Variants in NFIC observed in about 807,000 individuals in gnomAD.
NFIC encodes the protein nuclear factor 1 C-type.
In NFIC, 12 loss-of-function variants were observed where a neutral mutation model predicts 54.4. That is an observed-to-expected ratio of 0.22 (90% CI 0.14 to 0.36). The LOEUF (loss-of-function observed/expected upper bound fraction) is 0.36, where lower values mean the gene tolerates loss of function less well. Ranked by LOEUF, NFIC falls within the 10% of genes least tolerant of loss-of-function variation. NFIC has a pLI of 1.00. For missense variants in NFIC, 575 were observed against 718.2 expected, an observed-to-expected ratio of 0.80 and a Z score of 2.28; for synonymous variants, 322 against 319.2, an observed-to-expected ratio of 1.01 and a Z score of -0.09.
chr19:3,454,588 T>G (rs555457724), intron 9 of NFIC, among the ~76,000 whole-genome samples: 43 of 151,950 alleles, frequency 2.8e-4, no homozygotes, highest in African/African-American at 9.7e-4. Context: ...GTCCACCCCA[T>G]TCGTCCGCAG....
In NFIC at chr19:3,464,669, CAG is replaced by C. The variant is rs2082692941; in HGVS notation, c.*1902_*1903del. ...GCCTCACCCCCCTGCCCCCGAAAAC[CAG>C]ACTCTCCTCCCAAACTAGCCTCAGG... On this transcript the variant is annotated 3_prime_UTR_variant, in exon 11 of 11. Coordinates refer to ENST00000443272, the MANE Select transcript of NFIC (RefSeq NM_001245002.2). The C allele has an allele frequency of 2.0e-6, 2 of 985,268 alleles. No individual in the cohort carries two copies. The highest frequency in any genetic ancestry group is 2.4e-6 in the Non-Finnish European group (2 of 830,122). The allele number at this position is 985,268 out of a possible 1,614,324, so 61.0% of individuals were successfully genotyped here.
intron 7 of NFIC, among the ~76,000 whole-genome samples, chr19:3,450,055 CA>C (rs892847936): frequency 3.3e-5 from 5 of 149,726 alleles, no homozygotes; most frequent in Non-Finnish European, 3.0e-5. Flanking sequence ...ACCCTGTCTC[CA>C]AAAAAAGGCT....
intron 1 of NFIC, among the ~76,000 whole-genome samples, chr19:3,360,486 G>C (rs1230956312): frequency 6.6e-6 from 1 of 151,878 alleles, no homozygotes; most frequent in African/African-American, 2.4e-5. Flanking sequence ...TGCGCACCTC[G>C]AGGGGTGCGT....
intron 2 of NFIC, among the ~76,000 whole-genome samples, chr19:3,385,309 A>T (rs960382563): frequency 2.0e-5 from 3 of 147,268 alleles, no homozygotes; most frequent in African/African-American, 7.5e-5. Flanking sequence ...TGGCTGGGTG[A>T]TGTGGGGCCA....
Position 3,463,895 on chromosome 19 carries a change from G to A in NFIC, c.*1126G>A. 1 of 964,568 alleles carries A rather than the reference G, an allele frequency of 1.0e-6. No individual in the cohort carries two copies. Among genetic ancestry groups the A allele is most frequent in the Non-Finnish European group, 1.2e-6 (1 of 815,322 alleles). 59.8% of individuals were successfully genotyped at this position (964,568 alleles called of 1,614,324 possible). Reference sequence around the variant, plus strand: ...TCCAGCTGGGACACGGAATGGCCGCGGGCCTCCTCCCCCTCCCCTCCAGCC... The same window carrying A: ...TCCAGCTGGGACACGGAATGGCCGCAGGCCTCCTCCCCCTCCCCTCCAGCC... On this transcript the variant is annotated 3_prime_UTR_variant, in exon 11 of 11. Coordinates refer to ENST00000443272, the MANE Select transcript of NFIC (RefSeq NM_001245002.2).
Position 3,464,442 on chromosome 19 carries a change from A to G in NFIC, c.*1673A>G. 2 of 895,190 alleles carry G rather than the reference A, an allele frequency of 2.2e-6. No homozygotes were observed. The highest frequency in any genetic ancestry group is 2.5e-6 in the Non-Finnish European group (2 of 793,684). 55.5% of individuals were successfully genotyped at this position (895,190 alleles called of 1,614,324 possible). The stretch of plus-strand genomic sequence containing the variant: ...CTATCCACACCTCCACCCCCACCCC[A>G]GGATCGCCATCTTTAGGGGAGGCCT... On this transcript the variant is annotated 3_prime_UTR_variant, in exon 11 of 11. Coordinates refer to ENST00000443272, the MANE Select transcript of NFIC (RefSeq NM_001245002.2).
intron 2 of NFIC, among the ~76,000 whole-genome samples, chr19:3,405,407 G>T (rs2081632439): frequency 6.6e-6 from 1 of 152,116 alleles, no homozygotes; most frequent in African/African-American, 2.4e-5. Flanking sequence ...GCTGGGCAGG[G>T]GTTTTAGGTC....
intron 9 of NFIC, among the ~76,000 whole-genome samples, chr19:3,455,854 C>G (rs1404000538): frequency 6.6e-6 from 1 of 152,142 alleles, no homozygotes; most frequent in Non-Finnish European, 1.5e-5. Context: ...ATTCCACCCC[C>G]CTTTCCCTGC....
chr19:3,369,894 T>A lies in NFIC; in HGVS notation c.30+3228T>A, dbSNP rs2080968893. Among the ~76,000 whole-genome samples, 1 of 152,178 alleles carries A rather than the reference T, an allele frequency of 6.6e-6. No homozygotes were observed. Among genetic ancestry groups the A allele is most frequent in the South Asian group, 2.1e-4 (1 of 4,824 alleles). On this transcript the variant is annotated intron_variant, in intron 1 of 10. Coordinates refer to ENST00000443272, the MANE Select transcript of NFIC (RefSeq NM_001245002.2). The surrounding 1 kb of genome is among the most constrained non-coding windows in gnomAD (Gnocchi z 4.3). ...CTCATTCGTTCGTTGTTTCCTTCAT[T>A]CGTTCGTCCCATGCCCTCTCGGAGC...
intron 2 of NFIC, among the ~76,000 whole-genome samples, chr19:3,414,106 A>G (rs1310593921): frequency 6.6e-6 from 1 of 152,096 alleles, no homozygotes; most frequent in East Asian, 1.9e-4. Context: ...AACTAATGGC[A>G]ACATAGTGCA....
At position 3,463,444 on chromosome 19, in the gene NFIC, G is replaced by T; in HGVS notation, c.*675G>T. 3 of 985,548 alleles carry T rather than the reference G, an allele frequency of 3.0e-6. No homozygotes were observed. The highest frequency in any genetic ancestry group is 3.6e-6 in the Non-Finnish European group (3 of 830,064). 61.1% of individuals were successfully genotyped at this position (985,548 alleles called of 1,614,324 possible). ...GGGTGCGTGGCGCTTGCGAGCCCTG[G>T]CCAGGGGAGGAAGTGAGGCCCAGGC... On this transcript the variant is annotated 3_prime_UTR_variant, in exon 11 of 11. Coordinates refer to ENST00000443272, the MANE Select transcript of NFIC (RefSeq NM_001245002.2).
intron 2 of NFIC, among the ~76,000 whole-genome samples, chr19:3,392,473 C>T (rs896363351): frequency 4.6e-5 from 7 of 152,242 alleles, no homozygotes; most frequent in East Asian, 1.9e-4. Flanking sequence ...ACCCCGCAGA[C>T]GCCCCTACCC....
At position 3,452,737 on chromosome 19, in the gene NFIC, C is replaced by A; in HGVS notation, c.1269+71C>A. 1 of 1,500,414 alleles carries A rather than the reference C, an allele frequency of 6.7e-7. No homozygotes were observed. Among genetic ancestry groups the A allele is most frequent in the South Asian group, 1.3e-5 (1 of 77,960 alleles). The allele number at this position is 1,500,414 out of a possible 1,614,324, so 92.9% of individuals were successfully genotyped here. A position where few individuals can be genotyped will look rare whatever the true frequency, so the allele number is the denominator to read the frequency against. Reference sequence around the variant, plus strand: ...TGACCTCCCGGGGGCCACGTGCTCACACGAAGGCACAACCTCTGCTTAAAA... The same window carrying A: ...TGACCTCCCGGGGGCCACGTGCTCAAACGAAGGCACAACCTCTGCTTAAAA... On this transcript the variant is annotated intron_variant, in intron 8 of 10. Coordinates refer to ENST00000443272, the MANE Select transcript of NFIC (RefSeq NM_001245002.2). This position sits in a 1 kb window ranked among gnomAD's most constrained non-coding sequence, Gnocchi z 5.3.
At chr19:3,449,257 T>G in intron 7 of NFIC, 118 bp downstream of exon 7, 2 of 1,422,626 alleles carry the variant, frequency 1.4e-6, no homozygotes, top group East Asian at 2.6e-5. Flanking sequence ...GCCTTCTAGG[T>G]GGGCAAAAAA....
At chr19:3,433,616 G>A (rs1482798700) in intron 4 of NFIC, 24 bp downstream of exon 4, 7 of 1,612,140 alleles carry the variant, frequency 4.3e-6, no homozygotes, top group Non-Finnish European at 5.9e-6. Flanking sequence ...TCAGCCCTGA[G>A]CTGGGTCTTG....
rs1422072671 is a variant in NFIC at position 3,369,837 on chromosome 19, G to A, written c.30+3171G>A. ...TTGGCCGCAGCGTGGCGGATTCCCCGAGCCACCTCCATCCCGCCACCGGGT... is the reference window on the plus strand; with the variant it reads ...TTGGCCGCAGCGTGGCGGATTCCCCAAGCCACCTCCATCCCGCCACCGGGT... On this transcript the variant is annotated intron_variant, in intron 1 of 10. Coordinates refer to ENST00000443272, the MANE Select transcript of NFIC (RefSeq NM_001245002.2). The surrounding 1 kb of genome is among the most constrained non-coding windows in gnomAD (Gnocchi z 4.3). 1.3e-5 allele frequency among the ~76,000 whole-genome samples: 2 copies of A among 152,126 alleles called. No individual in the cohort carries two copies. Among genetic ancestry groups the A allele is most frequent in the East Asian group, 1.9e-4 (1 of 5,186 alleles).
intron 3 of NFIC, among the ~76,000 whole-genome samples, chr19:3,430,149 T>A (rs1290725315): frequency 6.6e-6 from 1 of 152,140 alleles, no homozygotes; most frequent in Non-Finnish European, 1.5e-5. Flanking sequence ...TGTAGTAAAA[T>A]GTGCATGATG....
intron 2 of NFIC, among the ~76,000 whole-genome samples, chr19:3,420,344 C>A (rs1359710053): frequency 2.0e-5 from 3 of 151,956 alleles, no homozygotes; most frequent in African/African-American, 7.3e-5. Context: ...AGAAAGAGAT[C>A]AGCCTGGCTA....
At chr19:3,416,969 C>T (rs545293857) in intron 2 of NFIC, among the ~76,000 whole-genome samples, 188 of 151,762 alleles carry the variant, frequency 1.2e-3, no homozygotes, top group African/African-American at 4.1e-3. Flanking sequence ...CTGCAAGCTC[C>T]GCCTGCCGGG....
Sources: allele counts gnomAD v4.1 joint callset (sites outside exome capture counted in the v4.1 genomes callset), GRCh38; gene constraint gnomAD v4.1.1; non-coding constraint Gnocchi (gnomAD v3.1); transcripts MANE v1.5; gene names NCBI Gene and HGNC (gene_info 2026-07-23, HGNC 2026-07-21).